Variants in RAET1E observed in about 807,000 individuals in gnomAD.
RAET1E encodes the protein NKG2D ligand 4.
Under a neutral mutation model 21.1 loss-of-function variants are expected in RAET1E, and 27 were observed. The observed-to-expected ratio is 1.28, with a 90% CI of 0.94 to 1.76. The LOEUF (loss-of-function observed/expected upper bound fraction) is 1.76. Ranked by LOEUF, RAET1E falls within the 40% of genes most tolerant of loss-of-function variation. The pLI is 0.00. For synonymous variants in RAET1E, 113 were observed against 115.0 expected, an observed-to-expected ratio of 0.98 and a Z score of 0.11; for missense variants, 310 against 311.3, an observed-to-expected ratio of 1.00 and a Z score of 0.03.
rs1777652892 is a variant in RAET1E, at chr6:149,887,326, C to T, written c.*1172G>A. Among the ~76,000 whole-genome samples, 1 of 152,206 alleles carries T rather than the reference C, an allele frequency of 6.6e-6. No individual in the cohort carries two copies. The highest frequency in any genetic ancestry group is 1.5e-5 in the Non-Finnish European group (1 of 68,040). On this transcript the variant is annotated 3_prime_UTR_variant, in exon 6 of 6. Transcript: ENST00000357183. ...CAGTTAAGTCCTTCTCAGTCACCTT[C>T]CACCAGGGATTAAGGTGGGACCCCT...
At chr6:149,889,030 G>C in intron 5 of RAET1E, 1 of 1,268,710 alleles carries the variant, frequency 7.9e-7, no homozygotes, top group Non-Finnish European at 1.0e-6. Flanking sequence ...GCTGGTGGAA[G>C]GGTAATTATA....
intron 2 of RAET1E, among the ~76,000 whole-genome samples, chr6:149,892,724 C>A (rs986880654): frequency 6.6e-6 from 1 of 152,074 alleles, no homozygotes; most frequent in Admixed American, 6.6e-5. Context: ...ATCCCATTTG[C>A]CAATTTTGGC....
intron 1 of RAET1E, among the ~76,000 whole-genome samples, chr6:149,896,467 G>A (rs528393945): frequency 1.3e-5 from 2 of 152,288 alleles, no homozygotes; most frequent in East Asian, 1.9e-4. Flanking sequence ...TTTTGAGGGT[G>A]CACTTCCACC....
chr6:149,890,256 C>T, intron 3 of RAET1E, 111 bp from the exon 4 acceptor site: 1 of 1,156,970 alleles, frequency 8.6e-7, no homozygotes, highest in Non-Finnish European at 1.2e-6. Flanking sequence ...AGAGGCGGGG[C>T]AGCTCCATCC....
At position 149,885,116 on chromosome 6, in the gene RAET1E, T is replaced by C. The variant is rs1056028149; in HGVS notation, c.*3382A>G. Among the ~76,000 whole-genome samples the C allele has an allele frequency of 2.0e-5, 3 of 152,180 alleles. No individual in the cohort carries two copies. The highest frequency in any genetic ancestry group is 2.0e-4 in the Admixed American group (3 of 15,278). On this transcript the variant is annotated 3_prime_UTR_variant, in exon 6 of 6. Coordinates refer to ENST00000357183, the MANE Select transcript of RAET1E (RefSeq NM_001394057.1). ...CTTTGGCATGTGATATACTTTCCCA[T>C]GGTCAGATGGTCAGATCATCAAGCT...
In RAET1E at chr6:149,889,348, C is replaced by G. The variant is rs1275082059; in HGVS notation, c.622G>C (p.Val208Leu). The G allele has an allele frequency of 1.2e-6, 2 of 1,613,918 alleles. No homozygotes were observed. Among genetic ancestry groups the G allele is most frequent in the Non-Finnish European group, 1.7e-6 (2 of 1,179,984 alleles). ...ACATTCTCCCACCCAGCTCAGTTAC[C>G]TGTCGGTTCTGGCATTGCCTCCCAG... ...GHWEAMPEPT[V>L]SPVNASDIHW... Residue 208 changes from valine (V) to leucine (L), a missense_variant and splice_region_variant, in exon 5 of 6, where the codon GTG (valine) becomes CTG (leucine). Physicochemically the swap from Val to Leu is conservative, Grantham distance 32. Coordinates refer to ENST00000357183, the MANE Select transcript of RAET1E (RefSeq NM_001394057.1).
At chr6:149,888,810 C>A in intron 5 of RAET1E, 143 bp from the exon 6 acceptor site, 1 of 1,271,204 alleles carries the variant, frequency 7.9e-7, no homozygotes, top group African/African-American at 1.5e-5. Context: ...GACAGCCACT[C>A]TACCAGGCCC....
chr6:149,889,317 G>A, intron 5 of RAET1E, 31 bp downstream of exon 5: 3 of 1,611,500 alleles, frequency 1.9e-6, no homozygotes, highest in Non-Finnish European at 1.7e-6. Context: ...TTTAAAGGGA[G>A]CTGCCACATT....
chr6:149,897,728 C>A (rs1778171446), intron 1 of RAET1E, among the ~76,000 whole-genome samples: 1 of 152,094 alleles, frequency 6.6e-6, no homozygotes, highest in Non-Finnish European at 1.5e-5. Context: ...AAGGAGAAAT[C>A]CCTGTCCCCC....
chr6:149,889,141 G>C (rs1225730429), intron 5 of RAET1E: 3 of 1,436,792 alleles, frequency 2.1e-6, no homozygotes, highest in Non-Finnish European at 2.7e-6. Context: ...ATGGGAAGGG[G>C]TTTCTACACT....
rs1178982997 is a variant in RAET1E at position 149,888,295 on chromosome 6, C to T, written c.*203G>A. Reference sequence around the variant, plus strand: ...GCAAGGAGACAACACCCCAGGCAGGCGTTCCAGATCTTTGACCTTGCCCCT... The same window carrying T: ...GCAAGGAGACAACACCCCAGGCAGGTGTTCCAGATCTTTGACCTTGCCCCT... On this transcript the variant is annotated 3_prime_UTR_variant, in exon 6 of 6. Transcript: ENST00000357183. The T allele has an allele frequency of 4.5e-5, 33 of 729,126 alleles. 1 individual carries two copies. The South Asian group carries it at 4.9e-4, about 11-fold the overall frequency. 45.2% of individuals were successfully genotyped at this position (729,126 alleles called of 1,614,324 possible). A position where few individuals can be genotyped will look rare whatever the true frequency, so the allele number is the denominator to read the frequency against.
At chr6:149,892,882 A>G (rs1351010351) in intron 2 of RAET1E, among the ~76,000 whole-genome samples, 1 of 152,150 alleles carries the variant, frequency 6.6e-6, no homozygotes, top group Non-Finnish European at 1.5e-5. Flanking sequence ...TGATTTTTGT[A>G]TAAGGTGTAA....
At chr6:149,897,529 C>T (rs1778163109) in intron 1 of RAET1E, among the ~76,000 whole-genome samples, 1 of 152,130 alleles carries the variant, frequency 6.6e-6, no homozygotes, top group African/African-American at 2.4e-5. Context: ...GGCAGTGTGC[C>T]CTGGGCTTCT....
chr6:149,890,318 G>A (rs1777831845), intron 3 of RAET1E, among the ~76,000 whole-genome samples, 173 bp from the exon 4 acceptor site: 1 of 152,106 alleles, frequency 6.6e-6, no homozygotes, highest in Non-Finnish European at 1.5e-5. Flanking sequence ...CTGACTGTCT[G>A]GGATGAGATA....
intron 2 of RAET1E, among the ~76,000 whole-genome samples, chr6:149,891,568 A>G (rs1777897737): frequency 6.6e-6 from 1 of 152,016 alleles, no homozygotes; most frequent in Non-Finnish European, 1.5e-5. Context: ...TGTATCAGGC[A>G]CTATCATAGA....
At chr6:149,895,063 G>C (rs1193176041) in intron 2 of RAET1E, among the ~76,000 whole-genome samples, 1 of 152,086 alleles carries the variant, frequency 6.6e-6, no homozygotes, top group African/African-American at 2.4e-5. Context: ...TCCCAACCCT[G>C]TTTACCTGGG....
chr6:149,885,556 C>A lies in RAET1E; in HGVS notation c.*2942G>T, dbSNP rs1012473095. The A allele has an allele frequency of 6.6e-6, 1 of 152,288 alleles. No homozygotes were observed. The highest frequency in any genetic ancestry group is 2.4e-5 in the African/African-American group (1 of 41,460). 9.4% of individuals were successfully genotyped at this position (152,288 alleles called of 1,614,324 possible). ...TGCCCCTAATCCAGAGGCCAGTTGG[C>A]CCCATCTCATACTCTGTTTTGCTCA... On this transcript the variant is annotated 3_prime_UTR_variant, in exon 6 of 6. Transcript: ENST00000357183.
At position 149,888,372 on chromosome 6, in the gene RAET1E, C is replaced by A; in HGVS notation, c.*126G>T. The A allele has an allele frequency of 3.5e-6, 4 of 1,154,434 alleles. No individual in the cohort carries two copies. In the South Asian group the frequency reaches 5.7e-5, roughly 17 times the overall value. The allele number at this position is 1,154,434 out of a possible 1,614,324, so 71.5% of individuals were successfully genotyped here. ...CCTCCTCTCACTGCACATTGTGCTG[C>A]CAGCCCTGCTGTGTAGTGTGGGGGC... On this transcript the variant is annotated 3_prime_UTR_variant, in exon 6 of 6. Transcript: ENST00000357183.
intron 1 of RAET1E, among the ~76,000 whole-genome samples, chr6:149,896,980 A>G (rs1345964164): frequency 6.6e-6 from 1 of 152,244 alleles, no homozygotes; most frequent in Non-Finnish European, 1.5e-5. Flanking sequence ...GCAAAATGTC[A>G]GCTTCAGGCA....
Sources: allele counts gnomAD v4.1 joint callset (sites outside exome capture counted in the v4.1 genomes callset), GRCh38; gene constraint gnomAD v4.1.1; transcripts MANE v1.5; gene names NCBI Gene and HGNC (gene_info 2026-07-23, HGNC 2026-07-21).